Variants in POU3F3 observed in about 807,000 individuals in gnomAD.
The protein encoded by POU3F3 is POU class 3 homeobox 3.
Under a neutral mutation model 8.6 loss-of-function variants are expected in POU3F3, and 1 was observed. The observed-to-expected ratio is 0.12, with a 90% CI of 0.04 to 0.55. The LOEUF is 0.55. POU3F3 is among the 20% of genes least tolerant of loss of function. POU3F3 has a pLI of 0.91. For missense variants in POU3F3, 577 were observed against 690.7 expected, an observed-to-expected ratio of 0.84 and a Z score of 1.84; for synonymous variants, 418 against 327.4, an observed-to-expected ratio of 1.28 and a Z score of -2.99.
At position 104,856,788 on chromosome 2, in the gene POU3F3, C is replaced by G; in HGVS notation, c.1278C>G (p.Leu426=). The G allele has an allele frequency of 6.2e-7, 1 of 1,614,134 alleles. No individual in the cohort carries two copies. Among genetic ancestry groups the G allele is most frequent in the Non-Finnish European group, 8.5e-7 (1 of 1,180,024 alleles). ...AGGGCGCGCTGGAGAGCCACTTCCT[C>G]AAGTGCCCCAAGCCCTCCGCGCAGG... ...SVKGALESHF[L]KCPKPSAQEI... Residue 426 remains leucine, a synonymous_variant, in exon 1 of 1, where the codon CTC becomes CTG. Coordinates refer to ENST00000361360, the MANE Select transcript of POU3F3 (RefSeq NM_006236.3).
At chr2:104,903,933 T>C in the POU3F3 span, among the ~76,000 whole-genome samples, 2 of 152,216 alleles carry the variant, frequency 1.3e-5, no homozygotes, top group African/African-American at 4.8e-5. Flanking sequence ...TTCCTTTCCT[T>C]GCTCAAGGAA....
At chr2:104,862,275 T>G (rs1676668760), downstream of POU3F3, among the ~76,000 whole-genome samples, 1 of 152,138 alleles carries the variant, frequency 6.6e-6, no homozygotes, top group Non-Finnish European at 1.5e-5. Context: ...GCTCTGGAAG[T>G]GACCTCAGAG....
the POU3F3 span, among the ~76,000 whole-genome samples, chr2:104,877,220 G>T: frequency 6.6e-6 from 1 of 152,182 alleles, no homozygotes; most frequent in African/African-American, 2.4e-5. Context: ...TTTCTAGAGA[G>T]AATCACGGTG....
chr2:104,870,331 T>C, the POU3F3 span, among the ~76,000 whole-genome samples: 1 of 152,200 alleles, frequency 6.6e-6, no homozygotes, highest in Non-Finnish European at 1.5e-5. Flanking sequence ...TGGCTTCACA[T>C]CAAGAGAAGA....
the POU3F3 span, among the ~76,000 whole-genome samples, chr2:104,879,074 A>G: frequency 4.5e-4 from 69 of 152,184 alleles, no homozygotes; most frequent in Non-Finnish European, 9.0e-4. Flanking sequence ...CACACCCAGC[A>G]CACACTATAC....
At chr2:104,920,494 C>T in the POU3F3 span, among the ~76,000 whole-genome samples, 1 of 152,088 alleles carries the variant, frequency 6.6e-6, no homozygotes, top group East Asian at 1.9e-4. Flanking sequence ...CAGGAAACAC[C>T]CAACAGAATT....
the POU3F3 span, among the ~76,000 whole-genome samples, chr2:104,876,816 C>A: frequency 6.6e-6 from 1 of 152,160 alleles, no homozygotes; most frequent in Non-Finnish European, 1.5e-5. Context: ...TTGGCAGAGA[C>A]CTCGACCTCC....
At chr2:104,887,951 C>G in the POU3F3 span, among the ~76,000 whole-genome samples, 3 of 152,182 alleles carry the variant, frequency 2.0e-5, no homozygotes, top group Non-Finnish European at 4.4e-5. Flanking sequence ...GAGCAGTTAG[C>G]TATTTAAATC....
At chr2:104,891,042 C>T in the POU3F3 span, among the ~76,000 whole-genome samples, 3 of 152,004 alleles carry the variant, frequency 2.0e-5, no homozygotes, top group Admixed American at 1.3e-4. Context: ...CTTATCTGAA[C>T]CTTGAGGCTT....
the POU3F3 span, among the ~76,000 whole-genome samples, chr2:104,913,719 C>A: frequency 6.6e-6 from 1 of 152,226 alleles, no homozygotes; most frequent in African/African-American, 2.4e-5. Context: ...TGAAGTATAA[C>A]ACACATACAG....
chr2:104,862,035 G>C (rs973386342), downstream of POU3F3, among the ~76,000 whole-genome samples: 5 of 152,228 alleles, frequency 3.3e-5, no homozygotes, highest in African/African-American at 1.2e-4. Flanking sequence ...GGGTACTTGT[G>C]TAATCAGATT....
At chr2:104,916,583 G>A in the POU3F3 span, among the ~76,000 whole-genome samples, 5 of 152,226 alleles carry the variant, frequency 3.3e-5, no homozygotes, top group African/African-American at 9.6e-5. Context: ...GGTGTTTGAC[G>A]TCCCCCAGCA....
In POU3F3 at chr2:104,856,770, G is replaced by C. The variant is rs1197763743; in HGVS notation, c.1260G>C (p.Ala420=). Reference sequence around the variant, plus strand: ...CTATCGAGGTGAGCGTCAAGGGCGCGCTGGAGAGCCACTTCCTCAAGTGCC... The same window carrying C: ...CTATCGAGGTGAGCGTCAAGGGCGCCCTGGAGAGCCACTTCCTCAAGTGCC... ...RTSIEVSVKG[A]LESHFLKCPK... The change falls in exon 1 of 1, where the codon GCG becomes GCC. Residue 420 remains alanine, a synonymous_variant. Transcript: ENST00000361360. 8.7e-6 allele frequency: 14 copies of C among 1,614,108 alleles called. No homozygotes were observed. The highest frequency in any genetic ancestry group is 1.1e-5 in the Non-Finnish European group (13 of 1,180,024).
At chr2:104,866,138 A>G in the POU3F3 span, 18 of 152,200 alleles carry the variant, frequency 1.2e-4, no homozygotes, top group African/African-American at 4.3e-4. Flanking sequence ...AACTCTTCCA[A>G]TAACTATTTA....
At chr2:104,904,934 C>A in the POU3F3 span, among the ~76,000 whole-genome samples, 9 of 152,216 alleles carry the variant, frequency 5.9e-5, no homozygotes, top group East Asian at 1.5e-3. Context: ...GGCCAGACTT[C>A]CCAGTGAGCT....
chr2:104,860,028 C>T (rs1383906004), downstream of POU3F3, among the ~76,000 whole-genome samples: 2 of 151,982 alleles, frequency 1.3e-5, no homozygotes, highest in Admixed American at 1.3e-4. Context: ...CTTGTTTTTC[C>T]TATGGGAATG....
chr2:104,906,334 TAGCTGG>T, the POU3F3 span, among the ~76,000 whole-genome samples: 1 of 152,214 alleles, frequency 6.6e-6, no homozygotes, highest in African/African-American at 2.4e-5. Flanking sequence ...AATGGATCAG[TAGCTGG>T]GTTTATTTCT....
the POU3F3 span, among the ~76,000 whole-genome samples, chr2:104,900,972 T>A: frequency 6.6e-6 from 1 of 152,234 alleles, no homozygotes; most frequent in Admixed American, 6.5e-5. Flanking sequence ...CTCCCCCTGG[T>A]TGCCTGCTCC....
At chr2:104,872,075 C>A in the POU3F3 span, among the ~76,000 whole-genome samples, 2 of 150,818 alleles carry the variant, frequency 1.3e-5, no homozygotes, top group East Asian at 3.9e-4. The surrounding 1 kb of genome is among the most constrained non-coding windows in gnomAD (Gnocchi z 4.6). Flanking sequence ...CACACACAGA[C>A]ACACACACAC....
Sources: allele counts gnomAD v4.1 joint callset (sites outside exome capture counted in the v4.1 genomes callset), GRCh38; gene constraint gnomAD v4.1.1; non-coding constraint Gnocchi (gnomAD v3.1); transcripts MANE v1.5; gene names NCBI Gene and HGNC (gene_info 2026-07-23, HGNC 2026-07-21).